The following GTF2F2 variants were observed in gnomAD, a reference collection of about 807,000 sequenced individuals.
GTF2F2 encodes the protein general transcription factor IIF subunit 2, also known as ATP-dependent helicase GTF2F2.
In GTF2F2, 23 loss-of-function variants were observed where a neutral mutation model predicts 42.2. The observed-to-expected ratio is 0.55, with a 90% CI of 0.39 to 0.77. The LOEUF (loss-of-function observed/expected upper bound fraction) is 0.77, where lower values mean the gene tolerates loss of function less well. GTF2F2 is among the 30% of genes least tolerant of loss of function. GTF2F2 has a pLI of 0.00. For missense variants in GTF2F2, 261 were observed against 287.2 expected (o/e 0.91, Z 0.66); for synonymous variants, 105 against 100.8 (o/e 1.04, Z -0.25).
chr13:45,191,225 AT>A (rs1188341140), intron 4 of GTF2F2, among the ~76,000 whole-genome samples: 1,472 of 60,312 alleles, frequency 0.024, 134 homozygotes, highest in African/African-American at 0.078. Context: ...CAAAAAAAAA[AT>A]ATATATATAT....
intron 1 of GTF2F2, among the ~76,000 whole-genome samples, chr13:45,134,037 T>C (rs1869494942): frequency 6.6e-6 from 1 of 152,198 alleles, no homozygotes; most frequent in South Asian, 2.1e-4. Context: ...ATGAAGGGGA[T>C]ACTGTTGTTG....
At chr13:45,199,879 A>T (rs1268921959) in intron 4 of GTF2F2, among the ~76,000 whole-genome samples, 1 of 152,128 alleles carries the variant, frequency 6.6e-6, no homozygotes, top group Non-Finnish European at 1.5e-5. Context: ...GTCTTCAGTG[A>T]TGAGGTGGTG....
chr13:45,135,547 C>T (rs923089442), intron 1 of GTF2F2, among the ~76,000 whole-genome samples: 28 of 152,188 alleles, frequency 1.8e-4, no homozygotes, highest in African/African-American at 5.3e-4. Flanking sequence ...CGTGAGCCAC[C>T]GCGCCCAGCC....
Position 45,283,459 on chromosome 13 carries a change from C to A in GTF2F2, c.648C>A (p.Ile216=), listed in dbSNP as rs757124304. ...TGTTTTAGGTGTACCTGAAGGAAAT[C>A]TTAAAAGAAATTGGTGTTCAGAATG... The part of the protein sequence containing the change: ...TKQPVVYLKE[I]LKEIGVQNVK... Residue 216 remains isoleucine, a synonymous_variant, in exon 8 of 8, where the codon ATC becomes ATA. Transcript: ENST00000340473. 10 of 1,611,084 alleles carry A rather than the reference C, an allele frequency of 6.2e-6. No homozygotes were observed. Among genetic ancestry groups the A allele is most frequent in the African/African-American group, 4.0e-5 (3 of 74,794 alleles).
chr13:45,256,645 A>G (rs1876115327), intron 6 of GTF2F2, among the ~76,000 whole-genome samples: 2 of 152,184 alleles, frequency 1.3e-5, no homozygotes, highest in South Asian at 4.1e-4. Flanking sequence ...TAAAAAACAT[A>G]TTCAGTATTG....
rs972644830 is a variant in GTF2F2, at chr13:45,120,601, C to T, written c.-55C>T. 2.2e-6 allele frequency: 3 copies of T among 1,362,540 alleles called. No homozygotes were observed. Among genetic ancestry groups the T allele is most frequent in the Admixed American group, 2.0e-5 (1 of 50,542 alleles). The allele number at this position is 1,362,540 out of a possible 1,614,324, so 84.4% of individuals were successfully genotyped here. On this transcript the variant is annotated 5_prime_UTR_variant, in exon 1 of 8. Coordinates refer to ENST00000340473, the MANE Select transcript of GTF2F2 (RefSeq NM_004128.3). ...TGTTCCGGACGCCCGCTCCTCAGCC[C>T]TGCGGCTCCTGGGGTCGCTGCTGCA...
chr13:45,182,393 G>A (rs1196185028), intron 4 of GTF2F2, among the ~76,000 whole-genome samples: 8 of 151,956 alleles, frequency 5.3e-5, no homozygotes, highest in African/African-American at 1.5e-4. Context: ...CACTGCACCC[G>A]GCCACTTTCC....
intron 5 of GTF2F2, among the ~76,000 whole-genome samples, chr13:45,228,283 C>CCTTTTTTTTTTTTTTT (rs1874468398): frequency 1.1e-5 from 1 of 92,708 alleles, no homozygotes; most frequent in Non-Finnish European, 2.1e-5. Flanking sequence ...CAGAGTTAAT[C>CCTTTTTTTTTTTTTTT]TTTTTTTTTT....
chr13:45,132,023 C>G (rs1471809243), intron 1 of GTF2F2, among the ~76,000 whole-genome samples: 2 of 152,048 alleles, frequency 1.3e-5, no homozygotes, highest in African/African-American at 4.8e-5. Flanking sequence ...ATAAGCCTCC[C>G]TGTGCCTTAG....
At chr13:45,139,424 G>A (rs137950906) in intron 2 of GTF2F2, among the ~76,000 whole-genome samples, 4 of 152,272 alleles carry the variant, frequency 2.6e-5, no homozygotes, top group South Asian at 2.1e-4. Flanking sequence ...GGATGTCCTC[G>A]GATGTTTCAG....
chr13:45,124,032 G>A (rs1868833501), intron 1 of GTF2F2: 2 of 1,131,494 alleles, frequency 1.8e-6, no homozygotes, highest in Non-Finnish European at 2.6e-6. Context: ...GAGGCCATGT[G>A]GGCCATGAGG....
chr13:45,126,921 T>C (rs1337436491), intron 1 of GTF2F2, among the ~76,000 whole-genome samples: 1 of 152,230 alleles, frequency 6.6e-6, no homozygotes, highest in African/African-American at 2.4e-5. Context: ...AACCATACCC[T>C]GTTGTACTTA....
At chr13:45,158,956 T>G (rs941129468) in intron 4 of GTF2F2, among the ~76,000 whole-genome samples, 2 of 152,252 alleles carry the variant, frequency 1.3e-5, no homozygotes, top group Non-Finnish European at 2.9e-5. Flanking sequence ...TATTCTTGAT[T>G]CAAAGTGGTT....
chr13:45,154,207 C>G (rs1309342170), intron 4 of GTF2F2, among the ~76,000 whole-genome samples: 1 of 151,964 alleles, frequency 6.6e-6, no homozygotes, highest in Non-Finnish European at 1.5e-5. Flanking sequence ...AAAAAGTACC[C>G]TATTTCAGAT....
chr13:45,193,855 A>G lies in GTF2F2; in HGVS notation c.305-13569A>G, dbSNP rs1310665967. 2.5e-6 allele frequency: 4 copies of G among 1,613,860 alleles called. No individual in the cohort carries two copies. The African/African-American group carries it at 5.3e-5, about 22-fold the overall frequency. On this transcript the variant is annotated intron_variant, in intron 4 of 7. Coordinates refer to ENST00000340473, the MANE Select transcript of GTF2F2 (RefSeq NM_004128.3). Reference sequence around the variant, plus strand: ...TTTGGAACAATCCAGGCTGGTCAGCAGTCTAAAGCCACACTTTAAAGCCAT... The same window carrying G: ...TTTGGAACAATCCAGGCTGGTCAGCGGTCTAAAGCCACACTTTAAAGCCAT...
intron 4 of GTF2F2, among the ~76,000 whole-genome samples, chr13:45,169,219 A>T (rs1450813564): frequency 6.6e-6 from 1 of 152,094 alleles, no homozygotes. Flanking sequence ...GTATTTGGAG[A>T]TAAGACCTGT....
At position 45,269,204 on chromosome 13, in the gene GTF2F2, C is replaced by T. The variant is rs575637965; in HGVS notation, c.630+1828C>T. Among the ~76,000 whole-genome samples, 14 of 152,262 alleles carry T rather than the reference C, an allele frequency of 9.2e-5. No individual in the cohort carries two copies. The East Asian group carries it at 2.3e-3, about 25-fold the overall frequency. On this transcript the variant is annotated intron_variant, in intron 7 of 7. Transcript: ENST00000340473. ...ATTCCTATCCCTAAATATTCATATA[C>T]CCCATAGTGTAAAAGATGGTAAAAA...
chr13:45,238,847 G>A, intron 5 of GTF2F2, among the ~76,000 whole-genome samples: 1 of 151,800 alleles, frequency 6.6e-6, no homozygotes, highest in Non-Finnish European at 1.5e-5. Flanking sequence ...GGGAGGCTGA[G>A]GCAGGAGAAT....
intron 7 of GTF2F2, among the ~76,000 whole-genome samples, chr13:45,276,891 A>G (rs1239717573): frequency 6.6e-6 from 1 of 152,264 alleles, no homozygotes; most frequent in Non-Finnish European, 1.5e-5. Flanking sequence ...TTACCAGCAC[A>G]CAAATATTAA....
Sources: allele counts gnomAD v4.1 joint callset (sites outside exome capture counted in the v4.1 genomes callset), GRCh38; gene constraint gnomAD v4.1.1; transcripts MANE v1.5; gene names NCBI Gene and HGNC (gene_info 2026-07-23, HGNC 2026-07-21).